The following NOP58 variants were observed in gnomAD, a reference collection of about 807,000 sequenced individuals.
NOP58 encodes nucleolar protein 58.
A neutral mutation model predicts 71.2 loss-of-function variants in NOP58; 44 were observed. That is an observed-to-expected ratio of 0.62 (90% CI 0.49 to 0.79). The LOEUF (loss-of-function observed/expected upper bound fraction) is 0.79, where lower values mean the gene tolerates loss of function less well. Ranked by LOEUF, NOP58 falls within the 30% of genes least tolerant of loss-of-function variation. NOP58 has a pLI of 0.00. For missense variants in NOP58, 538 were observed against 620.2 expected (o/e 0.87, Z 1.41); for synonymous variants, 228 against 200.3 (o/e 1.14, Z -1.17).
chr2:202,287,821 G>C, intron 6 of NOP58, 97 bp downstream of exon 6: 1 of 986,082 alleles, frequency 1.0e-6, no homozygotes, highest in Non-Finnish European at 1.6e-6. Flanking sequence ...TGTTGAGAAA[G>C]AGAAAGGAGG....
At chr2:202,269,130 C>T (rs1237178938) in intron 1 of NOP58, among the ~76,000 whole-genome samples, 2 of 152,038 alleles carry the variant, frequency 1.3e-5, no homozygotes, top group Non-Finnish European at 2.9e-5. Context: ...GGACTACAGG[C>T]TCAAGCCACC....
intron 13 of NOP58, among the ~76,000 whole-genome samples, chr2:202,302,235 G>A (rs947925708): frequency 2.0e-5 from 3 of 151,666 alleles, no homozygotes; most frequent in Non-Finnish European, 4.4e-5. Context: ...TTACAGGCAT[G>A]CACCACCATG....
intron 3 of NOP58, among the ~76,000 whole-genome samples, chr2:202,278,620 A>C (rs930464193): frequency 1.8e-4 from 27 of 152,292 alleles, no homozygotes; most frequent in African/African-American, 6.3e-4. Flanking sequence ...TAGGTCTTAC[A>C]GTTTTGTTTT....
intron 5 of NOP58, among the ~76,000 whole-genome samples, chr2:202,287,064 C>CTTTTTTT (rs11326861): frequency 1.8e-5 from 2 of 110,726 alleles, no homozygotes. Flanking sequence ...ACCAATATGG[C>CTTTTTTT]TTTTTTTTTT....
intron 1 of NOP58, among the ~76,000 whole-genome samples, chr2:202,266,216 AGGG>A (rs1322827124): frequency 1.3e-5 from 2 of 152,074 alleles, no homozygotes; most frequent in Non-Finnish European, 2.9e-5. Context: ...CTCCCGTTGA[AGGG>A]GTGGGCAGGA....
rs1359522883 is a variant in NOP58, at chr2:202,282,491, T to C, written c.297+19T>C. 8 of 1,601,038 alleles carry C rather than the reference T, an allele frequency of 5.0e-6. No homozygotes were observed. The highest frequency in any genetic ancestry group is 6.8e-6 in the Non-Finnish European group (8 of 1,176,814). ...CATAAAGGTAAAGTCACGATATTTT[T>C]GGTCATGCCTGCTAGTCAGATCTCA... On this transcript the variant is annotated intron_variant, in intron 4 of 14. Coordinates refer to ENST00000264279, the MANE Select transcript of NOP58 (RefSeq NM_015934.5).
Position 202,278,198 on chromosome 2 carries a change from T to C in NOP58, c.175+196T>C, listed in dbSNP as rs555594778. ...ACCACTGAGACAACATTGAGTTAGC[T>C]TTTTTCACCATAGGGCTGGTTTTCC... On this transcript the variant is annotated intron_variant, in intron 3 of 14. Transcript: ENST00000264279. 4.5e-6 allele frequency: 3 copies of C among 671,282 alleles called. No homozygotes were observed. In the African/African-American group the frequency reaches 5.3e-5, roughly 12 times the overall value. 41.6% of individuals were successfully genotyped at this position (671,282 alleles called of 1,614,324 possible).
In NOP58 at chr2:202,290,316, A is replaced by C. The variant is rs759526559; in HGVS notation, c.500-7A>C. 3 of 1,592,256 alleles carry C rather than the reference A, an allele frequency of 1.9e-6. No homozygotes were observed. Among genetic ancestry groups the C allele is most frequent in the South Asian group, 2.3e-5 (2 of 88,116 alleles). On this transcript the variant is annotated splice_polypyrimidine_tract_variant and splice_region_variant and intron_variant, in intron 6 of 14. Coordinates refer to ENST00000264279, the MANE Select transcript of NOP58 (RefSeq NM_015934.5). Reference sequence around the variant, plus strand: ...AGTTTTGTTTGTTTGTTTTTAATCTACTACAGCCTTGTTAGATGACTTGGA... The same window carrying C: ...AGTTTTGTTTGTTTGTTTTTAATCTCCTACAGCCTTGTTAGATGACTTGGA...
intron 1 of NOP58, among the ~76,000 whole-genome samples, chr2:202,269,757 GA>G (rs929397798): frequency 2.6e-5 from 4 of 151,916 alleles, no homozygotes; most frequent in Non-Finnish European, 4.4e-5. Flanking sequence ...AAGAAAAAAA[GA>G]AAAAAAGAAA....
rs575006526 is a variant in NOP58 at position 202,300,418 on chromosome 2, T to G, written c.1402+51T>G. 24 of 1,448,252 alleles carry G rather than the reference T, an allele frequency of 1.7e-5. No individual in the cohort carries two copies. The East Asian group carries it at 4.9e-4, about 30-fold the overall frequency. 89.7% of individuals were successfully genotyped at this position (1,448,252 alleles called of 1,614,324 possible). Reference sequence around the variant, plus strand: ...CAACTTATACTCACTTCTTTAGAACTGTGGATTTTGTGAGTCTTAAAAGTA... The same window carrying G: ...CAACTTATACTCACTTCTTTAGAACGGTGGATTTTGTGAGTCTTAAAAGTA... On this transcript the variant is annotated intron_variant, in intron 13 of 14. Coordinates refer to ENST00000264279, the MANE Select transcript of NOP58 (RefSeq NM_015934.5).
intron 1 of NOP58, among the ~76,000 whole-genome samples, chr2:202,272,149 A>ATTTTTTTTTTT (rs570916461): frequency 9.0e-6 from 1 of 111,166 alleles, no homozygotes; most frequent in Non-Finnish European, 1.7e-5. Context: ...CTGATGTATA[A>ATTTTTTTTTTT]TTTTTTTTTT....
rs376106419 is a variant in NOP58 at position 202,296,710 on chromosome 2, C to T, written c.1072-669C>T. On this transcript the variant is annotated intron_variant, in intron 10 of 14. Transcript: ENST00000264279. Reference sequence around the variant, plus strand: ...GTTAATTAGATTGAAAAAGAACCCACGCTTTTTTTTGTTTGTTTGTTTGTT... The same window carrying T: ...GTTAATTAGATTGAAAAAGAACCCATGCTTTTTTTTGTTTGTTTGTTTGTT... 4.5e-4 allele frequency among the ~76,000 whole-genome samples: 54 copies of T among 119,258 alleles called. 1 individual carries two copies. Among genetic ancestry groups the T allele is most frequent in the Admixed American group, 1.1e-3 (11 of 10,322 alleles). 78.2% of individuals were successfully genotyped at this position (119,258 alleles called of 152,430 possible).
chr2:202,293,058 A>G (rs769855785), intron 9 of NOP58, 155 bp downstream of exon 9: 12 of 831,540 alleles, frequency 1.4e-5, no homozygotes, highest in African/African-American at 5.0e-5. Context: ...CAAGTGTTCA[A>G]TGATGATTTC....
chr2:202,273,803 T>C (rs1225198982), intron 1 of NOP58, among the ~76,000 whole-genome samples: 1 of 151,906 alleles, frequency 6.6e-6, no homozygotes, highest in Admixed American at 6.6e-5. Flanking sequence ...ACTAGTTGGG[T>C]GTTGTGGTGC....
At chr2:202,290,557 T>C in intron 7 of NOP58, 100 bp downstream of exon 7, 1 of 1,065,026 alleles carries the variant, frequency 9.4e-7, no homozygotes, top group Non-Finnish European at 1.3e-6. Flanking sequence ...ATTCCCAGGG[T>C]TTTTGCAATT....
At chr2:202,267,165 C>T (rs1481233803) in intron 1 of NOP58, among the ~76,000 whole-genome samples, 1 of 152,078 alleles carries the variant, frequency 6.6e-6, no homozygotes, top group East Asian at 1.9e-4. Flanking sequence ...CTTCTGAGGT[C>T]TGTGAATATA....
At chr2:202,272,946 A>C (rs534722028) in intron 1 of NOP58, among the ~76,000 whole-genome samples, 1 of 152,214 alleles carries the variant, frequency 6.6e-6, no homozygotes, top group South Asian at 2.1e-4. Flanking sequence ...TATCCTGGCT[A>C]ACACGGTGAA....
Position 202,284,809 on chromosome 2 carries a change from C to T in NOP58, c.434+328C>T, listed in dbSNP as rs577945558. The T allele has an allele frequency of 1.8e-5, 4 of 221,136 alleles. No homozygotes were observed. In the South Asian group the frequency reaches 4.4e-4, roughly 24 times the overall value. 13.7% of individuals were successfully genotyped at this position (221,136 alleles called of 1,614,324 possible). On this transcript the variant is annotated intron_variant, in intron 5 of 14. Transcript: ENST00000264279. ...CTCCTTTATCTCTGCTAAGTCATGC[C>T]ACTCCTCCATCTACTTAGTATTCCC...
intron 1 of NOP58, among the ~76,000 whole-genome samples, chr2:202,271,701 G>C (rs571367339): frequency 6.6e-6 from 1 of 152,270 alleles, no homozygotes; most frequent in East Asian, 1.9e-4. Flanking sequence ...CCAGCACTTT[G>C]AGAGGCCAAG....
Sources: allele counts gnomAD v4.1 joint callset (sites outside exome capture counted in the v4.1 genomes callset), GRCh38; gene constraint gnomAD v4.1.1; transcripts MANE v1.5; gene names NCBI Gene and HGNC (gene_info 2026-07-23, HGNC 2026-07-21).